MAPK6: variants seen among roughly 807,000 people sequenced by gnomAD.
MAPK6 encodes ERK-3.
In MAPK6, 19 loss-of-function variants were observed where a neutral mutation model predicts 59.3. That is an observed-to-expected ratio of 0.32 (90% CI 0.22 to 0.47). MAPK6 has a LOEUF of 0.47. Ranked by LOEUF, MAPK6 falls within the 20% of genes least tolerant of loss-of-function variation. The pLI is 1.00. For synonymous variants in MAPK6, 316 were observed against 290.3 expected (o/e 1.09, Z -0.90); for missense variants, 724 against 847.9 (o/e 0.85, Z 1.81).
upstream of MAPK6, chr15:52,018,020 A>C (rs1021353259): frequency 1.3e-5 from 2 of 151,898 alleles, no homozygotes; most frequent in African/African-American, 4.8e-5. Context: ...CCAACCACTT[A>C]ACTTCATTAC....
In MAPK6 at chr15:51,981,490, GA is replaced by G. The variant is rs924094148; in HGVS notation, c.-879-1708del. ...CCGTCTCAAAAAAAAAAAAGAAAAAGAAAAAAAAGAAAATTCAGACTTATGT... is the reference window on the plus strand; with the variant it reads ...CCGTCTCAAAAAAAAAAAAGAAAAAGAAAAAAAGAAAATTCAGACTTATGT... On this transcript the variant is annotated intron_variant, in intron 1 of 7. Transcript: ENST00000691380. Among the ~76,000 whole-genome samples, 660 of 150,308 alleles carry G rather than the reference GA, an allele frequency of 4.4e-3. 7 individuals are homozygous for G. Among genetic ancestry groups the G allele is most frequent in the African/African-American group, 0.015 (622 of 40,952 alleles).
At chr15:52,019,770 G>T (rs2030439240) in intron 1 of MAPK6, among the ~76,000 whole-genome samples, 1 of 151,900 alleles carries the variant, frequency 6.6e-6, no homozygotes, top group African/African-American at 2.4e-5. Context: ...CTGGCTCCGC[G>T]GGTTCGAAAC....
intron 1 of MAPK6, among the ~76,000 whole-genome samples, chr15:51,982,354 A>T (rs919189781): frequency 5.9e-5 from 9 of 152,230 alleles, no homozygotes; most frequent in African/African-American, 2.2e-4. Flanking sequence ...GACTACCAAG[A>T]GGAGATAATG....
chr15:51,996,920 T>C (rs904509476), intron 2 of MAPK6, among the ~76,000 whole-genome samples: 4 of 152,150 alleles, frequency 2.6e-5, no homozygotes, highest in Non-Finnish European at 5.9e-5. Flanking sequence ...TAACCTCAAG[T>C]GATCCTCCTG....
In MAPK6 at chr15:52,064,813, G is replaced by T. The variant is rs1368993332; in HGVS notation, c.1979G>T (p.Gly660Val). The change falls in exon 6 of 6, where the codon GGA becomes GTA. Residue 660 changes from glycine to valine, a missense_variant. Gly to Val is a moderately radical substitution (Grantham distance 109, BLOSUM62 -3). This residue lies in a region of MAPK6 where 502 missense variants were observed against 507.6 expected (regional missense o/e 0.99). Transcript: ENST00000261845. The part of the protein sequence containing the change: ...GKLGERGHEE[G>V]FLNNSGEFLF... ...CTTGGGGAGAGAGGACATGAGGAAG[G>T]ATTTCTGAACAACAGTGGGGAGTTC... 1.2e-6 allele frequency: 2 copies of T among 1,611,814 alleles called. No individual in the cohort carries two copies. Among genetic ancestry groups the T allele is most frequent in the East Asian group, 2.2e-5 (1 of 44,890 alleles).
At chr15:52,060,954 C>T (rs2032175938) in intron 4 of MAPK6, among the ~76,000 whole-genome samples, 1 of 152,150 alleles carries the variant, frequency 6.6e-6, no homozygotes, top group South Asian at 2.1e-4. Flanking sequence ...CACTACAGTG[C>T]TAGTAATTGA....
At chr15:52,002,572 AAG>A (rs1484595978) in intron 2 of MAPK6, among the ~76,000 whole-genome samples, 6 of 152,318 alleles carry the variant, frequency 3.9e-5, no homozygotes, top group African/African-American at 1.2e-4. Context: ...GCAGAGGGTG[AAG>A]TTGATCTGAG....
chr15:52,023,923 A>T (rs2030650403), intron 1 of MAPK6, among the ~76,000 whole-genome samples: 1 of 152,100 alleles, frequency 6.6e-6, no homozygotes, highest in Non-Finnish European at 1.5e-5. Flanking sequence ...ATAGAGTTCT[A>T]AAAGTTTTGT....
At chr15:52,004,560 A>C (rs2057251982) in intron 3 of MAPK6, among the ~76,000 whole-genome samples, 1 of 152,202 alleles carries the variant, frequency 6.6e-6, no homozygotes, top group South Asian at 2.1e-4. Context: ...TAATTTATAA[A>C]GGAAAAAAAT....
In MAPK6 at chr15:52,063,982, G is replaced by C; in HGVS notation, c.1148G>C (p.Arg383Thr). 6.2e-7 allele frequency: 1 copy of C among 1,612,430 alleles called. No individual in the cohort carries two copies. The highest frequency in any genetic ancestry group is 8.5e-7 in the Non-Finnish European group (1 of 1,179,228). Residue 383 changes from arginine (R) to threonine (T), a missense_variant, in exon 6 of 6, where the codon AGA becomes ACA. Coordinates refer to ENST00000261845, the MANE Select transcript of MAPK6 (RefSeq NM_002748.4). Reference sequence around the variant, plus strand: ...ATTGATGAAGTTCAGCTTGATCCAAGAGCTCTGTCCGATGTCACTGATGAA... The same window carrying C: ...ATTGATGAAGTTCAGCTTGATCCAACAGCTCTGTCCGATGTCACTGATGAA... ...FDIDEVQLDP[R>T]ALSDVTDEEE...
intron 3 of MAPK6, 67 bp from the exon 4 acceptor site, chr15:52,058,566 T>C: frequency 2.3e-6 from 3 of 1,290,240 alleles, no homozygotes; most frequent in Non-Finnish European, 3.1e-6. Context: ...TAAATTAGTT[T>C]AGTATGTTTA....
chr15:52,054,804 G>T (rs1175739138), intron 3 of MAPK6, among the ~76,000 whole-genome samples: 1 of 150,134 alleles, frequency 6.7e-6, no homozygotes, highest in Non-Finnish European at 1.5e-5. Context: ...TTTTTTCCGA[G>T]ACTGAGTCTT....
At chr15:52,049,849 G>C (rs2031720968) in intron 2 of MAPK6, 144 bp from the exon 3 acceptor site, 1 of 683,154 alleles carries the variant, frequency 1.5e-6, no homozygotes. Context: ...CCGACCTTGG[G>C]TGATCCGCCC....
At chr15:51,974,674 A>G (rs1341866897) in intron 1 of MAPK6, among the ~76,000 whole-genome samples, 1 of 149,970 alleles carries the variant, frequency 6.7e-6, no homozygotes, top group Non-Finnish European at 1.5e-5. Flanking sequence ...AAAAAAAAAA[A>G]AAAAAAAGAT....
At chr15:51,998,187 C>T (rs1263463065) in intron 2 of MAPK6, among the ~76,000 whole-genome samples, 1 of 151,606 alleles carries the variant, frequency 6.6e-6, no homozygotes, top group African/African-American at 2.4e-5. Context: ...CGTAATCCAC[C>T]CGCCTTGGAC....
intron 1 of MAPK6, among the ~76,000 whole-genome samples, chr15:51,972,801 A>C (rs1228747495): frequency 6.6e-6 from 1 of 150,848 alleles, no homozygotes; most frequent in Non-Finnish European, 1.5e-5. Context: ...CAGCCTGGGC[A>C]CGAGACTCCA....
chr15:52,019,900 C>G (rs1487547052), intron 1 of MAPK6: 2 of 153,014 alleles, frequency 1.3e-5, no homozygotes, highest in African/African-American at 4.8e-5. Context: ...GTCTCCTCCC[C>G]CATCCCACCC....
At chr15:52,021,969 C>T (rs1332398453) in intron 1 of MAPK6, among the ~76,000 whole-genome samples, 1 of 151,692 alleles carries the variant, frequency 6.6e-6, no homozygotes, top group Non-Finnish European at 1.5e-5. Flanking sequence ...TTTAAAACAG[C>T]CAACGTTTAG....
At chr15:52,034,173 CAG>C (rs750583994) in intron 1 of MAPK6, among the ~76,000 whole-genome samples, 28 of 151,836 alleles carry the variant, frequency 1.8e-4, no homozygotes, top group Non-Finnish European at 4.0e-4. Context: ...TTGGTAGAGA[CAG>C]AGTTTCACCA....
Sources: gnomAD v4.1 joint callset for allele counts (sites outside exome capture counted in the v4.1 genomes callset) on GRCh38, gnomAD v4.1.1 for gene constraint, gnomAD v4.1.1 regional missense constraint, MANE v1.5 for transcripts, NCBI Gene and HGNC (gene_info 2026-07-23, HGNC 2026-07-21) for gene names.